PRDM10: variants seen among roughly 807,000 people sequenced by gnomAD.
The protein encoded by PRDM10 is PR domain zinc finger protein 10.
Under a neutral mutation model 133.1 loss-of-function variants are expected in PRDM10, and 65 were observed. That is an observed-to-expected ratio of 0.49 (90% CI 0.40 to 0.60). PRDM10 has a LOEUF of 0.60. Among genes scored for constraint, PRDM10 ranks in the 20% least tolerant of loss-of-function variants. PRDM10 has a pLI of 0.00. For synonymous variants in PRDM10, 582 were observed against 580.4 expected (o/e 1.00, Z -0.04); for missense variants, 1,137 against 1,507.1 (o/e 0.75, Z 4.07).
intron 1 of PRDM10, among the ~76,000 whole-genome samples, chr11:129,994,465 CAAAAAAAAA>C (rs1187507792): frequency 2.5e-5 from 2 of 79,506 alleles, no homozygotes; most frequent in Non-Finnish European, 4.8e-5. Context: ...AACTCTGCCT[CAAAAAAAAA>C]AAAAAAAAAG....
At chr11:129,999,291 A>G (rs530834567) in intron 1 of PRDM10, among the ~76,000 whole-genome samples, 86 of 152,330 alleles carry the variant, frequency 5.6e-4, no homozygotes, top group Admixed American at 1.5e-3. Context: ...GCCTCTACCT[A>G]TCCCCCAGGA....
At chr11:130,002,456 A>AC (rs544999845) in intron 1 of PRDM10, among the ~76,000 whole-genome samples, 17 of 149,902 alleles carry the variant, frequency 1.1e-4, no homozygotes, top group East Asian at 2.0e-4. Flanking sequence ...AGATGGTTTG[A>AC]CCCCCCACCC....
intron 4 of PRDM10, among the ~76,000 whole-genome samples, chr11:129,948,791 G>A (rs78622542): frequency 0.046 from 6,980 of 152,146 alleles, 461 homozygotes; most frequent in African/African-American, 0.15. Context: ...CATTTATTTC[G>A]CAGTGGATTC....
chr11:129,982,360 T>C (rs899104395), intron 1 of PRDM10, among the ~76,000 whole-genome samples: 11 of 151,826 alleles, frequency 7.2e-5, no homozygotes, highest in Admixed American at 7.2e-4. Context: ...CCTCCCGGGC[T>C]CAAGCAATTC....
In PRDM10 at chr11:129,914,900, T is replaced by C. The variant is rs374123981; in HGVS notation, c.2645A>G (p.Asp882Gly). 3 of 1,614,134 alleles carry C rather than the reference T, an allele frequency of 1.9e-6. No homozygotes were observed. Among genetic ancestry groups the C allele is most frequent in the Non-Finnish European group, 2.5e-6 (3 of 1,180,022 alleles). ...CACCACAGTCTCTCCAGTGGCGCTG[T>C]CTGTAGTCAAAACCGCTGGGGTGGC... Reference protein sequence around the residue: ...ISATPAVLTTDSATGETVVTT... With the variant: ...ISATPAVLTTGSATGETVVTT... Residue 882 changes from aspartate to glycine, a missense_variant, in exon 17 of 21, where the codon GAC becomes GGC. Physicochemically the swap from Asp to Gly is moderately conservative, Grantham distance 94. This residue lies in a region of PRDM10 where 113 missense variants were observed against 143.7 expected (regional missense o/e 0.79). Coordinates refer to ENST00000360871, the MANE Select transcript of PRDM10 (RefSeq NM_199437.2).
rs1950439622 is a variant in PRDM10, at chr11:129,918,943, TA to T, written c.2035-226del. ...ATGAACCTTGGTTTAAAATGACCAT[TA>T]AATAGGAAAGATACATACCGACTTT... is the stretch of plus-strand genomic sequence containing the variant. On this transcript the variant is annotated intron_variant, in intron 13 of 20. Coordinates refer to ENST00000360871, the MANE Select transcript of PRDM10 (RefSeq NM_199437.2). The surrounding 1 kb of genome is among the most constrained non-coding windows in gnomAD (Gnocchi z 5.3). Among the ~76,000 whole-genome samples the T allele has an allele frequency of 6.6e-6, 1 of 152,244 alleles. No individual in the cohort carries two copies. The highest frequency in any genetic ancestry group is 6.5e-5 in the Admixed American group (1 of 15,290).
chr11:129,990,558 C>T (rs1591703587), intron 1 of PRDM10, among the ~76,000 whole-genome samples: 1 of 149,474 alleles, frequency 6.7e-6, no homozygotes, highest in South Asian at 2.1e-4. Context: ...AAATTGATAC[C>T]ATACTGGTTT....
At chr11:129,996,823 G>A (rs1939091629) in intron 1 of PRDM10, among the ~76,000 whole-genome samples, 1 of 151,976 alleles carries the variant, frequency 6.6e-6, no homozygotes, top group Non-Finnish European at 1.5e-5. Context: ...CTTTGTTATT[G>A]AGCCATTTAT....
intron 6 of PRDM10, 124 bp from the exon 7 acceptor site, chr11:129,942,753 G>A (rs1027808219): frequency 2.3e-6 from 2 of 854,128 alleles, no homozygotes; most frequent in African/African-American, 3.4e-5. Context: ...TCTTTCCTTT[G>A]TATCTGCAAA....
At chr11:129,971,399 T>A (rs1469377073) in intron 1 of PRDM10, among the ~76,000 whole-genome samples, 2 of 152,038 alleles carry the variant, frequency 1.3e-5, no homozygotes, top group Non-Finnish European at 1.5e-5. Context: ...ATACAAAGGT[T>A]CTCCACGTCC....
intron 19 of PRDM10, among the ~76,000 whole-genome samples, chr11:129,908,495 T>C (rs1023608939): frequency 6.6e-6 from 1 of 152,016 alleles, no homozygotes; most frequent in Non-Finnish European, 1.5e-5. Flanking sequence ...CTTTTAGAGG[T>C]AGGTACCAAA....
At position 129,900,239 on chromosome 11, in the gene PRDM10, C is replaced by G. The variant is rs1293166983; in HGVS notation, c.*2074G>C. On this transcript the variant is annotated 3_prime_UTR_variant, in exon 21 of 21. Coordinates refer to ENST00000360871, the MANE Select transcript of PRDM10 (RefSeq NM_199437.2). Reference sequence around the variant, plus strand: ...AATCTATGACCTTGGAATGAATGTGCAGAATACCTGATCTGAAAGCCATGC... The same window carrying G: ...AATCTATGACCTTGGAATGAATGTGGAGAATACCTGATCTGAAAGCCATGC... 1.3e-5 allele frequency: 2 copies of G among 152,170 alleles called. No homozygotes were observed. The highest frequency in any genetic ancestry group is 4.8e-5 in the African/African-American group (2 of 41,444). 9.4% of individuals were successfully genotyped at this position (152,170 alleles called of 1,614,324 possible).
At chr11:129,957,657 T>C (rs1395556362) in intron 3 of PRDM10, 89 bp downstream of exon 3, 2 of 1,479,730 alleles carry the variant, frequency 1.4e-6, no homozygotes, top group Admixed American at 3.6e-5. Context: ...GCATCACCAG[T>C]ACCTAGCACA....
rs1349031086 is a variant in PRDM10, at chr11:129,945,191, T to G, written c.521-179A>C. Among the ~76,000 whole-genome samples, 3 of 152,226 alleles carry G rather than the reference T, an allele frequency of 2.0e-5. No individual in the cohort carries two copies. Among genetic ancestry groups the G allele is most frequent in the African/African-American group, 7.2e-5 (3 of 41,450 alleles). ...CTCTCTGGGAGACCAGTAAAAATCC[T>G]GTAATTCTCCTCTAAAATCAGACAG... On this transcript the variant is annotated intron_variant, in intron 5 of 20. Coordinates refer to ENST00000360871, the MANE Select transcript of PRDM10 (RefSeq NM_199437.2). The surrounding 1 kb of genome is among the most constrained non-coding windows in gnomAD (Gnocchi z 4.2).
At chr11:129,936,352 G>A (rs7115721) in intron 8 of PRDM10, among the ~76,000 whole-genome samples, 13,250 of 151,882 alleles carry the variant, frequency 0.087, 1,148 homozygotes, top group East Asian at 0.37. Context: ...AATGGCCACC[G>A]TTAAGAATAG....
chr11:129,947,101 A>C lies in PRDM10; in HGVS notation c.520+44T>G. 6.2e-7 allele frequency: 1 copy of C among 1,604,006 alleles called. No homozygotes were observed. The highest frequency in any genetic ancestry group is 8.5e-7 in the Non-Finnish European group (1 of 1,174,356). On this transcript the variant is annotated intron_variant, in intron 5 of 20. Coordinates refer to ENST00000360871, the MANE Select transcript of PRDM10 (RefSeq NM_199437.2). This position sits in a 1 kb window ranked among gnomAD's most constrained non-coding sequence, Gnocchi z 4.6. ...ACACGCACACGTACACAGACACACA[A>C]GATGGACACAGCTTCCCTGGGGGAG...
Position 129,912,093 on chromosome 11 carries a change from A to G in PRDM10, c.2974T>C (p.Ser992Pro). The change falls in exon 18 of 21, where the codon TCC (serine) becomes CCC (proline). Residue 992 changes from serine to proline, a missense_variant. By Grantham distance (74) the Ser-to-Pro change is moderately conservative (BLOSUM62 -1). Transcript: ENST00000360871. ...TCTGTGGAGCAGGGTACCTGGGCGG[A>G]GGACGGGGCCGAGGCGGTAGGCTCG... Reference protein sequence around the residue: ...VSEPTASAPSSAQVSGQPLSP... With the variant: ...VSEPTASAPSPAQVSGQPLSP... The G allele has an allele frequency of 6.2e-7, 1 of 1,607,854 alleles. No individual in the cohort carries two copies. The highest frequency in any genetic ancestry group is 8.5e-7 in the Non-Finnish European group (1 of 1,177,016).
At chr11:129,952,463 T>C (rs1049798852) in intron 4 of PRDM10, among the ~76,000 whole-genome samples, 3 of 152,220 alleles carry the variant, frequency 2.0e-5, no homozygotes, top group African/African-American at 7.2e-5. Context: ...TAGTATTTTA[T>C]TATACATGAG....
At chr11:129,931,573 T>G (rs1208471552) in intron 10 of PRDM10, among the ~76,000 whole-genome samples, 1 of 144,246 alleles carries the variant, frequency 6.9e-6, no homozygotes, top group Non-Finnish European at 1.5e-5. Context: ...TTTATTTTAT[T>G]TTATTTTTTT....
Sources: gnomAD v4.1 joint callset for allele counts (sites outside exome capture counted in the v4.1 genomes callset) on GRCh38, gnomAD v4.1.1 for gene constraint, gnomAD v4.1.1 regional missense constraint, Gnocchi (gnomAD v3.1) non-coding constraint, MANE v1.5 for transcripts, NCBI Gene and HGNC (gene_info 2026-07-23, HGNC 2026-07-21) for gene names.